CEP290: variants seen among roughly 807,000 people sequenced by gnomAD.
CEP290 encodes centrosomal protein 290, also known as centrosomal protein of 290 kDa.
In CEP290, 317 loss-of-function variants were observed where a neutral mutation model predicts 344.9. That is an observed-to-expected ratio of 0.92 (90% CI 0.84 to 1.01). The LOEUF (loss-of-function observed/expected upper bound fraction) is 1.01. Ranked by LOEUF, CEP290 falls within the 50% of genes least tolerant of loss-of-function variation. CEP290 has a pLI of 0.00. For synonymous variants in CEP290, 932 were observed against 895.8 expected, an observed-to-expected ratio of 1.04 and a Z score of -0.72; for missense variants, 2,754 against 2,761.4, an observed-to-expected ratio of 1.00 and a Z score of 0.06.
At chr12:88,107,629 A>C (rs1294140278) in intron 23 of CEP290, among the ~76,000 whole-genome samples, 2 of 151,864 alleles carry the variant, frequency 1.3e-5, no homozygotes, top group East Asian at 1.9e-4. Context: ...AAAAAAAATA[A>C]GAAGAAGTAT....
At chr12:88,095,681 C>T (rs1218141997) in intron 27 of CEP290, among the ~76,000 whole-genome samples, 1 of 152,052 alleles carries the variant, frequency 6.6e-6, no homozygotes, top group Non-Finnish European at 1.5e-5. Flanking sequence ...TATCTCATTA[C>T]CAATTTAAGA....
At chr12:88,091,470 A>G (rs1164366704) in intron 29 of CEP290, among the ~76,000 whole-genome samples, 2 of 152,032 alleles carry the variant, frequency 1.3e-5, no homozygotes, top group Non-Finnish European at 2.9e-5. Flanking sequence ...ATACTGTGAT[A>G]AGCTAATACA....
intron 37 of CEP290, among the ~76,000 whole-genome samples, chr12:88,081,883 A>G (rs1295620967): frequency 1.3e-5 from 2 of 152,232 alleles, no homozygotes; most frequent in Non-Finnish European, 2.9e-5. Context: ...CAAAAATAAC[A>G]TCTCTTGTAC....
chr12:88,131,264 A>G (rs776930564), intron 6 of CEP290, 46 bp from the exon 7 acceptor site: 16 of 1,354,696 alleles, frequency 1.2e-5, no homozygotes, highest in African/African-American at 3.6e-5. Context: ...GATAAAATTC[A>G]GCAGTAATTT....
rs199790246 is a variant in CEP290, at chr12:88,129,824, T to C, written c.722A>G (p.Lys241Arg). ...KIEVQNQEMR[K>R]NLEESVQEME... ...TTCCTGTACAGACTCTTCTAAATTTTTTCTCATTTCTTGATTCTGAACTTC... is the reference window on the plus strand; with the variant it reads ...TTCCTGTACAGACTCTTCTAAATTTCTTCTCATTTCTTGATTCTGAACTTC... The change falls in exon 10 of 54, where the codon AAA becomes AGA. Residue 241 changes from lysine (K) to arginine (R), a missense_variant. By Grantham distance (26) the Lys-to-Arg change is conservative (BLOSUM62 2). Coordinates refer to ENST00000552810, the MANE Select transcript of CEP290 (RefSeq NM_025114.4). The C allele has an allele frequency of 2.5e-5, 37 of 1,467,156 alleles. No homozygotes were observed. The highest frequency in any genetic ancestry group is 3.5e-4 in the Middle Eastern group (2 of 5,770). 90.9% of individuals were successfully genotyped at this position (1,467,156 alleles called of 1,614,324 possible).
In CEP290 at chr12:88,083,111, T is replaced by C. The variant is rs1280669395; in HGVS notation, c.4932A>G (p.Leu1644=). 1 of 1,543,476 alleles carries C rather than the reference T, an allele frequency of 6.5e-7. No homozygotes were observed. The highest frequency in any genetic ancestry group is 1.2e-5 in the South Asian group (1 of 81,012). ...TCTCCAAATCTTGTGATACTTTCTTTAGTTTGACCAAGAGTGAGGAAAGAG... is the reference window on the plus strand; with the variant it reads ...TCTCCAAATCTTGTGATACTTTCTTCAGTTTGACCAAGAGTGAGGAAAGAG... The part of the protein sequence containing the change: ...DDSLSSLLVK[L]KKVSQDLERQ... Residue 1644 remains leucine (L), a synonymous_variant, in exon 37 of 54, where the codon CTA becomes CTG. Transcript: ENST00000552810.
At chr12:88,085,800 A>C (rs1474994805) in intron 34 of CEP290, among the ~76,000 whole-genome samples, 1 of 152,140 alleles carries the variant, frequency 6.6e-6, no homozygotes, top group Non-Finnish European at 1.5e-5. Flanking sequence ...AATGCTTTTT[A>C]TTTCCTTTCA....
intron 6 of CEP290, among the ~76,000 whole-genome samples, chr12:88,131,427 T>C (rs940013702): frequency 6.6e-6 from 1 of 152,052 alleles, no homozygotes; most frequent in African/African-American, 2.4e-5. Flanking sequence ...CATAACTGGC[T>C]AATTTTTGTA....
rs1302558061 is a variant in CEP290, at chr12:88,093,980, A to C, written c.3104-5T>G. 3.2e-6 allele frequency: 5 copies of C among 1,583,664 alleles called. No individual in the cohort carries two copies. The highest frequency in any genetic ancestry group is 1.2e-5 in the South Asian group (1 of 86,400). ...TATCCATGCTAGATTCATTACCTAC[A>C]TGCAATAATATTTAAGTCAATCTCA... On this transcript the variant is annotated splice_region_variant and splice_polypyrimidine_tract_variant and intron_variant, in intron 27 of 53. Transcript: ENST00000552810.
chr12:88,111,406 A>G lies in CEP290; in HGVS notation c.2218-55T>C, dbSNP rs578074163. On this transcript the variant is annotated intron_variant, in intron 21 of 53. Coordinates refer to ENST00000552810, the MANE Select transcript of CEP290 (RefSeq NM_025114.4). ...ACAACTCTTACACCCAAAGAAAGAC[A>G]AATTGACAGATATGTGAATGCCCTG... The G allele has an allele frequency of 3.4e-6, 5 of 1,475,052 alleles. No homozygotes were observed. In the East Asian group the frequency reaches 1.0e-4, roughly 30 times the overall value. 91.4% of individuals were successfully genotyped at this position (1,475,052 alleles called of 1,614,324 possible).
chr12:88,095,895 A>G (rs2037389501), intron 27 of CEP290, among the ~76,000 whole-genome samples: 1 of 152,240 alleles, frequency 6.6e-6, no homozygotes, highest in Admixed American at 6.5e-5. Context: ...AAAGATTTCA[A>G]TACCTTCTGA....
At chr12:88,107,187 GT>G (rs1427087913) in intron 23 of CEP290, 89 bp from the exon 24 acceptor site, 2 of 801,778 alleles carry the variant, frequency 2.5e-6, no homozygotes. Context: ...CAAATTTAAA[GT>G]TTTCTCAACA....
At chr12:88,096,840 C>A in intron 27 of CEP290, 48 bp downstream of exon 27, 1 of 895,360 alleles carries the variant, frequency 1.1e-6, no homozygotes, top group Non-Finnish European at 1.7e-6. Context: ...AAGAAATATT[C>A]ATTATTAGAT....
At position 88,125,332 on chromosome 12, in the gene CEP290, G is replaced by A. The variant is rs886648506; in HGVS notation, c.1103C>T (p.Thr368Ile). 5 of 1,314,828 alleles carry A rather than the reference G, an allele frequency of 3.8e-6. No homozygotes were observed. In the African/African-American group the frequency reaches 4.6e-5, roughly 12 times the overall value. The allele number at this position is 1,314,828 out of a possible 1,614,324, so 81.4% of individuals were successfully genotyped here. A position where few individuals can be genotyped will look rare whatever the true frequency, so the allele number is the denominator to read the frequency against. Residue 368 changes from threonine (T) to isoleucine (I), a missense_variant, in exon 13 of 54, where the codon ACC becomes ATC. Thr to Ile is a moderately conservative substitution (Grantham distance 89). Coordinates refer to ENST00000552810, the MANE Select transcript of CEP290 (RefSeq NM_025114.4). Reference protein sequence around the residue: ...QERDSQIKMLTEQVEQYTKEM... With the variant: ...QERDSQIKMLIEQVEQYTKEM... The stretch of plus-strand genomic sequence containing the variant: ...TTTTGTATATTGTTCTACTTGTTCG[G>A]TGAGCATCTTAATTTGACTGTCTCG...
At chr12:88,065,393 A>C (rs1178888724) in intron 44 of CEP290, among the ~76,000 whole-genome samples, 1 of 152,184 alleles carries the variant, frequency 6.6e-6, no homozygotes, top group Non-Finnish European at 1.5e-5. Context: ...AAAAAAAAGA[A>C]GACAAACATT....
rs1353742023 is a variant in CEP290 at position 88,086,119 on chromosome 12, G to A, written c.4357C>T (p.Leu1453Phe). The A allele has an allele frequency of 2.5e-6, 4 of 1,613,116 alleles. No individual in the cohort carries two copies. Among genetic ancestry groups the A allele is most frequent in the African/African-American group, 1.3e-5 (1 of 74,892 alleles). ...TTAATTTTCCTTAGAGCGATCTCAAGTTGATTTGGAAGGGGCAAACTAGGG... is the reference window on the plus strand; with the variant it reads ...TTAATTTTCCTTAGAGCGATCTCAAATTGATTTGGAAGGGGCAAACTAGGG... Reference protein sequence around the residue: ...PDPSLPLPNQLEIALRKIKEN... With the variant: ...PDPSLPLPNQFEIALRKIKEN... Residue 1453 changes from leucine to phenylalanine, a missense_variant, in exon 34 of 54, where the codon CTT becomes TTT. Coordinates refer to ENST00000552810, the MANE Select transcript of CEP290 (RefSeq NM_025114.4).
In CEP290 at chr12:88,083,177, AC is replaced by A. The variant is rs1340376604; in HGVS notation, c.4865del (p.Arg1622LeufsTer9). 3 of 1,535,024 alleles carry A rather than the reference AC, an allele frequency of 2.0e-6. No individual in the cohort carries two copies. The highest frequency in any genetic ancestry group is 2.6e-6 in the Non-Finnish European group (3 of 1,144,028). On this transcript the variant is annotated frameshift_variant, in exon 37 of 54. Coordinates refer to ENST00000552810, the MANE Select transcript of CEP290 (RefSeq NM_025114.4). LOFTEE classifies it high-confidence loss of function. ...TPVPTNKHFI[R>X]LAEMEQTVAE... Reference sequence around the variant, plus strand: ...CTACTGTCTGTTCCATCTCAGCCAGACGAATAAAATGCTTGTTGGTAGGAAC... The same window carrying A: ...CTACTGTCTGTTCCATCTCAGCCAGAGAATAAAATGCTTGTTGGTAGGAAC...
chr12:88,109,823 C>G (rs2038549395), intron 22 of CEP290, among the ~76,000 whole-genome samples: 1 of 152,076 alleles, frequency 6.6e-6, no homozygotes, highest in Non-Finnish European at 1.5e-5. Context: ...TGATATATTT[C>G]TTATACAAAG....
In CEP290 at chr12:88,106,831, A is replaced by G. The variant is rs2137617168; in HGVS notation, c.2661T>C (p.Thr887=). The change falls in exon 25 of 54, where the codon ACT becomes ACC. Residue 887 remains threonine (T), a synonymous_variant. Coordinates refer to ENST00000552810, the MANE Select transcript of CEP290 (RefSeq NM_025114.4). ...GTGATTTTTCATTCACTTGCAAAAC[A>G]GTAATTTTCCTACTATTTTCTGCAA... ...KILAENSRKI[T]VLQVNEKSLI... is the part of the protein sequence containing the mutation. 3 of 1,608,688 alleles carry G rather than the reference A, an allele frequency of 1.9e-6. No individual in the cohort carries two copies. Among genetic ancestry groups the G allele is most frequent in the African/African-American group, 1.3e-5 (1 of 74,974 alleles).
Sources: allele counts gnomAD v4.1 joint callset (sites outside exome capture counted in the v4.1 genomes callset), GRCh38; gene constraint gnomAD v4.1.1; transcripts MANE v1.5; gene names NCBI Gene and HGNC (gene_info 2026-07-23, HGNC 2026-07-21).